SMYD3: variants seen among roughly 807,000 people sequenced by gnomAD.
SMYD3 encodes SET and MYND domain containing 3.
Under a neutral mutation model 57.7 loss-of-function variants are expected in SMYD3, and 36 were observed. The observed-to-expected ratio is 0.62, with a 90% confidence interval of 0.48 to 0.82. The LOEUF (loss-of-function observed/expected upper bound fraction) is 0.82, where lower values mean the gene tolerates loss of function less well. SMYD3 is among the 40% of genes least tolerant of loss of function. The probability of loss-of-function intolerance (pLI) is 0.00; values close to 1 mark genes in which losing one functional copy is unlikely to be tolerated. For synonymous variants in SMYD3, 211 were observed against 195.0 expected (o/e 1.08, Z -0.68); for missense variants, 515 against 538.8 (o/e 0.96, Z 0.44).
chr1:245,874,520 A>G (rs2052386123), intron 8 of SMYD3, among the ~76,000 whole-genome samples: 1 of 152,196 alleles, frequency 6.6e-6, no homozygotes, highest in Non-Finnish European at 1.5e-5. Context: ...CTCTCTTAAC[A>G]TCAGTTAATG....
At chr1:246,285,358 C>A (rs1445582780) in intron 5 of SMYD3, among the ~76,000 whole-genome samples, 1 of 152,186 alleles carries the variant, frequency 6.6e-6, no homozygotes, top group African/African-American at 2.4e-5. Flanking sequence ...TTTATCCACT[C>A]ATTGACTGAT....
rs1016689456 is a variant in SMYD3, at chr1:246,316,348, C to T, written c.531+10853G>A. On this transcript the variant is annotated intron_variant, in intron 5 of 11. Transcript: ENST00000490107. ...GTCAGCCTGGGCAACATACTAAGAC[C>T]CTGTCTTCATGGGTTTTTTTTTTTT... Among the ~76,000 whole-genome samples, 6 of 150,980 alleles carry T rather than the reference C, an allele frequency of 4.0e-5. No homozygotes were observed. The East Asian group carries it at 1.2e-3, about 29-fold the overall frequency.
chr1:246,468,310 GA>G (rs1186210083), intron 1 of SMYD3, among the ~76,000 whole-genome samples: 1 of 152,088 alleles, frequency 6.6e-6, no homozygotes, highest in African/African-American at 2.4e-5. Context: ...TATAGATGCA[GA>G]AAAAGGCATT....
Position 246,432,678 on chromosome 1 carries a change from C to T in SMYD3, c.164+74376G>A, listed in dbSNP as rs1276039348. ...CGCTCGCTTGGTCTTGACTGCCTAA[C>T]TGATGGCAGACTATTATCTAAAGCA... On this transcript the variant is annotated intron_variant, in intron 1 of 11. Transcript: ENST00000490107. Among the ~76,000 whole-genome samples, 5 of 152,186 alleles carry T rather than the reference C, an allele frequency of 3.3e-5. No homozygotes were observed. In the East Asian group the frequency reaches 7.7e-4, roughly 23 times the overall value.
intron 10 of SMYD3, among the ~76,000 whole-genome samples, chr1:245,808,613 C>T (rs542010746): frequency 6.6e-6 from 1 of 152,304 alleles, no homozygotes; most frequent in East Asian, 1.9e-4. Context: ...CTGGCCTTCT[C>T]AACTTGCTGA....
chr1:246,149,271 C>T (rs2061905516), intron 5 of SMYD3, among the ~76,000 whole-genome samples: 1 of 152,200 alleles, frequency 6.6e-6, no homozygotes, highest in African/African-American at 2.4e-5. Context: ...TGAGTGACTG[C>T]TTGTCTGAGA....
At chr1:245,807,335 C>T (rs554655992) in intron 10 of SMYD3, among the ~76,000 whole-genome samples, 1 of 151,766 alleles carries the variant, frequency 6.6e-6, no homozygotes, top group African/African-American at 2.4e-5. Flanking sequence ...AATGCAAACG[C>T]GTTTTTACCA....
intron 5 of SMYD3, among the ~76,000 whole-genome samples, chr1:246,292,843 G>A (rs991214205): frequency 1.3e-5 from 2 of 152,098 alleles, no homozygotes; most frequent in African/African-American, 4.8e-5. Flanking sequence ...CAGGGAGCAT[G>A]GCAGACACTG....
intron 2 of SMYD3, among the ~76,000 whole-genome samples, chr1:246,338,514 A>G (rs2065579923): frequency 6.6e-6 from 1 of 152,220 alleles, no homozygotes. Flanking sequence ...GATTTTGCTC[A>G]TAACATTGGC....
chr1:245,936,604 G>T (rs1024499707), intron 5 of SMYD3, among the ~76,000 whole-genome samples: 1 of 152,168 alleles, frequency 6.6e-6, no homozygotes. Flanking sequence ...AAAAATTTGT[G>T]TTGATTAAGG....
At chr1:245,860,611 T>G (rs115566287) in intron 9 of SMYD3, among the ~76,000 whole-genome samples, 1 of 152,228 alleles carries the variant, frequency 6.6e-6, no homozygotes, top group African/African-American at 2.4e-5. Flanking sequence ...AGTCCCGTCT[T>G]GGAGGAATTG....
chr1:246,408,792 C>A (rs1357932621), intron 1 of SMYD3, among the ~76,000 whole-genome samples: 1 of 151,402 alleles, frequency 6.6e-6, no homozygotes, highest in Admixed American at 6.6e-5. Context: ...GTCTCAGCCT[C>A]CTGAGTAGCT....
rs559030731 is a variant in SMYD3, at chr1:246,426,549, A to G, written c.165-71455T>C. On this transcript the variant is annotated intron_variant, in intron 1 of 11. Coordinates refer to ENST00000490107, the MANE Select transcript of SMYD3 (RefSeq NM_001167740.2). ...ATGTCCGGCTTCTTTCACTTAGCAT[A>G]ATGTTTTCTGAGGTTCATTGAGTAA... Among the ~76,000 whole-genome samples, 6 of 152,260 alleles carry G rather than the reference A, an allele frequency of 3.9e-5. No individual in the cohort carries two copies. The East Asian group carries it at 1.2e-3, about 29-fold the overall frequency.
chr1:246,206,727 T>C (rs2063006112), intron 5 of SMYD3, among the ~76,000 whole-genome samples: 1 of 152,040 alleles, frequency 6.6e-6, no homozygotes, highest in Non-Finnish European at 1.5e-5. Flanking sequence ...AATAAATAAC[T>C]AGTCATACTG....
intron 1 of SMYD3, among the ~76,000 whole-genome samples, chr1:246,487,317 C>T (rs1337702215): frequency 1.3e-5 from 2 of 151,916 alleles, no homozygotes; most frequent in Non-Finnish European, 2.9e-5. Context: ...CATGGTGGTG[C>T]GCACCTGTAA....
chr1:245,927,901 G>T, intron 7 of SMYD3, 30 bp downstream of exon 7: 1 of 1,574,850 alleles, frequency 6.3e-7, no homozygotes, highest in Non-Finnish European at 8.7e-7. Flanking sequence ...TAGGAAAGAA[G>T]GCCAGGCTGG....
At chr1:246,016,583 C>CA (rs1351101989) in intron 5 of SMYD3, among the ~76,000 whole-genome samples, 1 of 150,656 alleles carries the variant, frequency 6.6e-6, no homozygotes, top group African/African-American at 2.4e-5. Context: ...AATTCAGTCT[C>CA]AAAAAAGAAG....
intron 5 of SMYD3, among the ~76,000 whole-genome samples, chr1:246,199,034 G>A (rs2062867964): frequency 6.6e-6 from 1 of 152,138 alleles, no homozygotes; most frequent in Non-Finnish European, 1.5e-5. Context: ...TATGTAGTGT[G>A]GCGCTGAGGC....
chr1:245,827,572 T>C (rs2049571910), intron 10 of SMYD3, among the ~76,000 whole-genome samples: 1 of 152,184 alleles, frequency 6.6e-6, no homozygotes, highest in Admixed American at 6.5e-5. Flanking sequence ...TCCTTTGCTC[T>C]GCTGGCTGAA....
Sources: gnomAD v4.1 joint callset for allele counts (sites outside exome capture counted in the v4.1 genomes callset) on GRCh38, gnomAD v4.1.1 for gene constraint, MANE v1.5 for transcripts, NCBI Gene and HGNC (gene_info 2026-07-23, HGNC 2026-07-21) for gene names.